Variants in RNLS observed in about 807,000 individuals in gnomAD.
RNLS encodes the protein renalase, FAD dependent amine oxidase, also known as renalase.
RNLS carries 39 observed loss-of-function variants against 39.8 expected under a neutral mutation model. The ratio of observed to expected loss-of-function variants is 0.98; its 90% CI spans 0.76 to 1.28. RNLS has a LOEUF of 1.28. Ranked by LOEUF, RNLS falls within the 50% of genes most tolerant of loss-of-function variation. The pLI, the probability that RNLS is intolerant of heterozygous loss-of-function variation, is 0.00. For missense variants in RNLS, 410 were observed against 413.3 expected, an observed-to-expected ratio of 0.99 and a Z score of 0.07; for synonymous variants, 147 against 150.7, an observed-to-expected ratio of 0.98 and a Z score of 0.18.
At chr10:88,513,227 T>C (rs1846234054) in intron 4 of RNLS, among the ~76,000 whole-genome samples, 1 of 152,194 alleles carries the variant, frequency 6.6e-6, no homozygotes, top group African/African-American at 2.4e-5. Flanking sequence ...CTTTGACATC[T>C]TTCTTATTTC....
intron 5 of RNLS, among the ~76,000 whole-genome samples, chr10:88,344,086 A>G (rs1314521348): frequency 6.6e-6 from 1 of 152,142 alleles, no homozygotes. Flanking sequence ...AAGTGGTATT[A>G]TGATTGGACT....
rs143232068 is a variant in RNLS at position 88,297,496 on chromosome 10, A to G, written c.877-11990T>C. 2.8e-3 allele frequency among the ~76,000 whole-genome samples: 433 copies of G among 152,256 alleles called. 2 individuals carry two copies. The highest frequency in any genetic ancestry group is 8.9e-3 in the African/African-American group (369 of 41,568). On this transcript the variant is annotated intron_variant, in intron 6 of 6. Coordinates refer to ENST00000331772, the MANE Select transcript of RNLS (RefSeq NM_001031709.3). ...TTTTTGTGTGTTTGGTGAAATACAC[A>G]TAAAATTTGCAATTAGTGACCGGTA...
the RNLS span, among the ~76,000 whole-genome samples, chr10:88,203,223 AGTGTGTGTGTGT>A: frequency 0.07 from 782 of 11,220 alleles, 51 homozygotes; most frequent in African/African-American, 0.12. Context: ...GATAGCAAAA[AGTGTGTGTGTGT>A]GTGTGTGTGT....
intron 4 of RNLS, among the ~76,000 whole-genome samples, chr10:88,463,373 TA>T (rs1843035729): frequency 6.6e-6 from 1 of 152,000 alleles, no homozygotes; most frequent in Non-Finnish European, 1.5e-5. Flanking sequence ...TACCATAAGC[TA>T]GGGGAAAGGC....
At chr10:88,298,956 TTTTA>T (rs893203723) in intron 6 of RNLS, among the ~76,000 whole-genome samples, 3 of 152,214 alleles carry the variant, frequency 2.0e-5, no homozygotes, top group Non-Finnish European at 4.4e-5. Context: ...TATGATGTGT[TTTTA>T]TTTATTTAGG....
intron 4 of RNLS, among the ~76,000 whole-genome samples, chr10:88,439,238 C>T (rs1330714945): frequency 6.6e-6 from 1 of 152,176 alleles, no homozygotes; most frequent in Admixed American, 6.5e-5. Context: ...CAAAGGGCTG[C>T]TAGTGGATAT....
At chr10:88,290,182 A>G (rs1278393059) in intron 6 of RNLS, among the ~76,000 whole-genome samples, 1 of 152,216 alleles carries the variant, frequency 6.6e-6, no homozygotes. Flanking sequence ...TTCCTTTCAT[A>G]TCTATGCTAA....
At chr10:88,329,698 T>C (rs1846941153) in intron 5 of RNLS, among the ~76,000 whole-genome samples, 1 of 152,184 alleles carries the variant, frequency 6.6e-6, no homozygotes, top group African/African-American at 2.4e-5. Context: ...TTTCTATCTC[T>C]ATCTCTCCAT....
intron 4 of RNLS, among the ~76,000 whole-genome samples, chr10:88,549,799 C>A (rs748232672): frequency 6.6e-6 from 1 of 151,920 alleles, no homozygotes; most frequent in Non-Finnish European, 1.5e-5. Flanking sequence ...AGGTTGAGGC[C>A]CAGAAAAAGA....
chr10:88,393,271 A>T (rs1017651454), intron 4 of RNLS, among the ~76,000 whole-genome samples: 13 of 152,210 alleles, frequency 8.5e-5, no homozygotes, highest in African/African-American at 2.9e-4. Context: ...TGCAGATGAC[A>T]TGATTGTATA....
the RNLS span, among the ~76,000 whole-genome samples, chr10:88,215,991 CCCGG>C: frequency 6.6e-6 from 1 of 152,080 alleles, no homozygotes; most frequent in African/African-American, 2.4e-5. Flanking sequence ...AGCCACCGTG[CCCGG>C]CCTCATCTGT....
chr10:88,253,825 C>G, the RNLS span, among the ~76,000 whole-genome samples: 3 of 152,096 alleles, frequency 2.0e-5, no homozygotes, highest in South Asian at 6.2e-4. Flanking sequence ...CTGGGTTTGT[C>G]CCCCTGGGGC....
chr10:88,565,706 A>G (rs1258493135), intron 4 of RNLS, among the ~76,000 whole-genome samples: 1 of 151,430 alleles, frequency 6.6e-6, no homozygotes, highest in African/African-American at 2.4e-5. Context: ...ATTTCTTTTC[A>G]GCATGATACA....
chr10:88,481,908 T>C (rs1202602384), intron 4 of RNLS, among the ~76,000 whole-genome samples: 2 of 152,172 alleles, frequency 1.3e-5, no homozygotes, highest in Non-Finnish European at 2.9e-5. Context: ...TTTTAAAAAT[T>C]TGGTCATGTC....
At chr10:88,430,822 T>C (rs1196805923) in intron 4 of RNLS, among the ~76,000 whole-genome samples, 1 of 151,832 alleles carries the variant, frequency 6.6e-6, no homozygotes, top group Non-Finnish European at 1.5e-5. Context: ...AAACCTTCCA[T>C]TTATGGGATA....
intron 5 of RNLS, among the ~76,000 whole-genome samples, chr10:88,355,074 T>C (rs1260513793): frequency 6.6e-6 from 1 of 152,220 alleles, no homozygotes; most frequent in Non-Finnish European, 1.5e-5. Flanking sequence ...TCAGGTCCTT[T>C]AAGGACTTCT....
chr10:88,232,702 G>C, the RNLS span, among the ~76,000 whole-genome samples: 911 of 152,356 alleles, frequency 6.0e-3, 8 homozygotes, highest in African/African-American at 0.021. Flanking sequence ...CCTGCTGCAA[G>C]ACTGAATGGG....
chr10:88,417,421 T>G (rs1854096762), intron 4 of RNLS, among the ~76,000 whole-genome samples: 1 of 152,230 alleles, frequency 6.6e-6, no homozygotes, highest in African/African-American at 2.4e-5. Context: ...AAGTGGTTCT[T>G]TTTAAAACAG....
At chr10:88,514,235 G>C (rs1280332903) in intron 4 of RNLS, among the ~76,000 whole-genome samples, 5 of 151,846 alleles carry the variant, frequency 3.3e-5, no homozygotes, top group Non-Finnish European at 5.9e-5. Context: ...GGCAACAGCT[G>C]AGAGAGAGAA....
Sources: gnomAD v4.1 joint callset for allele counts (sites outside exome capture counted in the v4.1 genomes callset) on GRCh38, gnomAD v4.1.1 for gene constraint, MANE v1.5 for transcripts, NCBI Gene and HGNC (gene_info 2026-07-23, HGNC 2026-07-21) for gene names.